KMT2C: variants seen among roughly 807,000 people sequenced by gnomAD.
The protein encoded by KMT2C is lysine methyltransferase 2C.
A neutral mutation model predicts 507.9 loss-of-function variants in KMT2C; 88 were observed. The ratio of observed to expected loss-of-function variants is 0.17; its 90% CI spans 0.15 to 0.21. The LOEUF (loss-of-function observed/expected upper bound fraction) is 0.21, where lower values mean the gene tolerates loss of function less well. Ranked by LOEUF, KMT2C falls within the 10% of genes least tolerant of loss-of-function variation. The pLI is 1.00. For missense variants in KMT2C, 4,954 were observed against 5,957.8 expected (o/e 0.83, Z 5.55); for synonymous variants, 2,049 against 2,080.8 (o/e 0.98, Z 0.42).
chr7:152,181,960 G>A lies in KMT2C; in HGVS notation c.5900C>T (p.Pro1967Leu), dbSNP rs772266743. Residue 1967 changes from proline (P) to leucine (L), a missense_variant, in exon 36 of 59, where the codon CCA becomes CTA. Physicochemically the swap from Pro to Leu is moderately conservative, Grantham distance 98. Coordinates refer to ENST00000262189, the MANE Select transcript of KMT2C (RefSeq NM_170606.3). ...TTNNDPYAKP[P>L]DTPRPVMTDQ... ...TGTCATCACAGGCCTAGGTGTGTCT[G>A]GAGGTTTTGCATAGGGGTCATTATT... The A allele has an allele frequency of 1.2e-6, 2 of 1,614,186 alleles. No homozygotes were observed. Among genetic ancestry groups the A allele is most frequent in the Non-Finnish European group, 1.7e-6 (2 of 1,180,042 alleles).
chr7:152,144,930 G>GA lies in KMT2C; in HGVS notation c.14175-50dup. 1 of 1,547,058 alleles carries GA rather than the reference G, an allele frequency of 6.5e-7. No individual in the cohort carries two copies. Among genetic ancestry groups the GA allele is most frequent in the East Asian group, 2.3e-5 (1 of 43,262 alleles). On this transcript the variant is annotated intron_variant, in intron 54 of 58. Coordinates refer to ENST00000262189, the MANE Select transcript of KMT2C (RefSeq NM_170606.3). This position sits in a 1 kb window ranked among gnomAD's most constrained non-coding sequence, Gnocchi z 4.4. ...GGAAAAAAATACAAGGAAAACTGAAGATACCTCTGAGTAATGCCCAAAACC... is the reference window on the plus strand; with the variant it reads ...GGAAAAAAATACAAGGAAAACTGAAGAATACCTCTGAGTAATGCCCAAAACC...
Position 152,163,842 on chromosome 7 carries a change from G to A in KMT2C, c.9751-16C>T, listed in dbSNP as rs1476574781. On this transcript the variant is annotated splice_polypyrimidine_tract_variant and intron_variant, in intron 42 of 58. Transcript: ENST00000262189. ...GTTTACGAATCTGGAATAACAAAATGCATCATTACTCATTTCTATACAGCA... is the reference window on the plus strand; with the variant it reads ...GTTTACGAATCTGGAATAACAAAATACATCATTACTCATTTCTATACAGCA... 1 of 1,603,720 alleles carries A rather than the reference G, an allele frequency of 6.2e-7. No individual in the cohort carries two copies. The highest frequency in any genetic ancestry group is 8.5e-7 in the Non-Finnish European group (1 of 1,170,672).
rs2129145637 is a variant in KMT2C at position 152,220,619 on chromosome 7, A to G, written c.3616T>C (p.Leu1206=). 1.2e-6 allele frequency: 2 copies of G among 1,611,910 alleles called. No individual in the cohort carries two copies. Among genetic ancestry groups the G allele is most frequent in the Non-Finnish European group, 1.7e-6 (2 of 1,179,806 alleles). The change falls in exon 23 of 59, where the codon TTG becomes CTG. Residue 1206 remains leucine (L), a synonymous_variant. Transcript: ENST00000262189. ...RRKRSKPKLK[L]KIINQNSVAV... ...ACGCTATTCTGATTTATAATCTTCA[A>G]TTTCAATTTTGGTTTTGACCGTTTT...
intron 1 of KMT2C, among the ~76,000 whole-genome samples, chr7:152,391,544 T>C (rs75550570): frequency 2.2e-5 from 1 of 45,346 alleles, no homozygotes; most frequent in Non-Finnish European, 3.8e-5. Context: ...ATGCCCGGCC[T>C]TTTTTTTTTT....
intron 23 of KMT2C, chr7:152,220,056 A>G (rs1462837384): frequency 1.3e-5 from 2 of 155,896 alleles, no homozygotes; most frequent in Admixed American, 1.3e-4. Flanking sequence ...ATTTACTTTG[A>G]TCAAGAAAAT....
intron 1 of KMT2C, among the ~76,000 whole-genome samples, chr7:152,390,404 TG>T: frequency 6.6e-6 from 1 of 152,422 alleles, no homozygotes; most frequent in South Asian, 2.1e-4. Context: ...AAGTAGAAAC[TG>T]AAGAACACTT....
At chr7:152,386,583 C>T (rs1170586866) in intron 1 of KMT2C, among the ~76,000 whole-genome samples, 17 of 152,274 alleles carry the variant, frequency 1.1e-4, no homozygotes, top group Non-Finnish European at 2.1e-4. Context: ...TACTCCCAGG[C>T]CTTGTCCCCA....
chr7:152,258,368 G>A (rs2095697742), intron 9 of KMT2C, among the ~76,000 whole-genome samples: 1 of 152,176 alleles, frequency 6.6e-6, no homozygotes, highest in South Asian at 2.1e-4. Context: ...TTTAACATGT[G>A]AAAGAAGTGT....
At chr7:152,253,719 C>A (rs2095601461) in intron 9 of KMT2C, among the ~76,000 whole-genome samples, 1 of 151,660 alleles carries the variant, frequency 6.6e-6, no homozygotes, top group Non-Finnish European at 1.5e-5. Flanking sequence ...ACGGTCAACG[C>A]CATGTGACTT....
Position 152,163,745 on chromosome 7 carries a change from G to T in KMT2C, c.9832C>A (p.Pro3278Thr). The T allele has an allele frequency of 6.2e-7, 1 of 1,614,186 alleles. No homozygotes were observed. Among genetic ancestry groups the T allele is most frequent in the Non-Finnish European group, 8.5e-7 (1 of 1,180,030 alleles). The change falls in exon 43 of 59, where the codon CCT (proline) becomes ACT (threonine). Residue 3278 changes from proline to threonine, a missense_variant. Transcript: ENST00000262189. ...GGCTGGACACTGGGCATCATGGTAG[G>T]TGGGGCCATTGCACATTGCTGCTGC... ...KQQQQCAMAP[P>T]TMMPSVQPQP... is the part of the protein sequence containing the mutation.
chr7:152,346,675 C>T (rs1379682401), intron 2 of KMT2C, among the ~76,000 whole-genome samples: 1 of 152,204 alleles, frequency 6.6e-6, no homozygotes, highest in Non-Finnish European at 1.5e-5. Flanking sequence ...AGTCAAAAAT[C>T]TGTGTAACTT....
In KMT2C at chr7:152,198,327, A is replaced by C. The variant is rs575619040; in HGVS notation, c.4273+952T>G. Among the ~76,000 whole-genome samples, 86 of 152,314 alleles carry C rather than the reference A, an allele frequency of 5.6e-4. 1 individual carries two copies. The highest frequency in any genetic ancestry group is 5.9e-4 in the Non-Finnish European group (40 of 67,984). ...AAAGTCAAAATCAAAAATAGTTGTC[A>C]GTATTTCAATTCAGGATAATGCCAA... is the stretch of plus-strand genomic sequence containing the variant. On this transcript the variant is annotated intron_variant, in intron 27 of 58. Transcript: ENST00000262189.
In KMT2C at chr7:152,240,943, A is replaced by G. The variant is rs552457281; in HGVS notation, c.2533-2117T>C. Among the ~76,000 whole-genome samples, 6 of 152,316 alleles carry G rather than the reference A, an allele frequency of 3.9e-5. No individual in the cohort carries two copies. In the East Asian group the frequency reaches 9.7e-4, roughly 25 times the overall value. ...CCACAGCAGCCAGAGAAACTTTTCA[A>G]AAGTACAAATGTGATCAAGCAAGTC... On this transcript the variant is annotated intron_variant, in intron 14 of 58. Coordinates refer to ENST00000262189, the MANE Select transcript of KMT2C (RefSeq NM_170606.3).
At position 152,368,148 on chromosome 7, in the gene KMT2C, G is replaced by T. The variant is rs1246413094; in HGVS notation, c.162-9473C>A. Reference sequence around the variant, plus strand: ...ATGGCAAAAGGGTCAAAGGAAGGCAGTATCCTTGGGGTGCTGCTGAAGTTG... The same window carrying T: ...ATGGCAAAAGGGTCAAAGGAAGGCATTATCCTTGGGGTGCTGCTGAAGTTG... On this transcript the variant is annotated intron_variant, in intron 1 of 58. Transcript: ENST00000262189. The T allele has an allele frequency of 5.4e-5, 50 of 922,382 alleles. 2 individuals carry two copies. In the East Asian group the frequency reaches 1.2e-3, roughly 22 times the overall value. 57.1% of individuals were successfully genotyped at this position (922,382 alleles called of 1,614,324 possible). A position where few individuals can be genotyped will look rare whatever the true frequency, so the allele number is the denominator to read the frequency against.
intron 3 of KMT2C, among the ~76,000 whole-genome samples, chr7:152,323,542 G>A (rs1250840131): frequency 6.6e-6 from 1 of 151,350 alleles, no homozygotes; most frequent in Non-Finnish European, 1.5e-5. Context: ...TGGAGGCTGT[G>A]GTGGGAGGAT....
chr7:152,170,120 A>G (rs997832196), intron 40 of KMT2C, among the ~76,000 whole-genome samples: 4 of 152,256 alleles, frequency 2.6e-5, no homozygotes, highest in African/African-American at 9.6e-5. Flanking sequence ...AACATTTGAC[A>G]TATTAAAAAA....
chr7:152,274,245 T>C (rs1329948502), intron 6 of KMT2C, among the ~76,000 whole-genome samples: 1 of 152,092 alleles, frequency 6.6e-6, no homozygotes, highest in Non-Finnish European at 1.5e-5. Flanking sequence ...AAACTAGTAA[T>C]AGGAACATAT....
intron 5 of KMT2C, among the ~76,000 whole-genome samples, chr7:152,310,833 T>C (rs1280720978): frequency 1.3e-5 from 2 of 152,000 alleles, no homozygotes; most frequent in African/African-American, 2.4e-5. Flanking sequence ...TACAGGCACA[T>C]GCCACCACAC....
chr7:152,192,242 C>T (rs906912238), intron 31 of KMT2C, among the ~76,000 whole-genome samples: 3 of 151,986 alleles, frequency 2.0e-5, no homozygotes, highest in East Asian at 1.9e-4. Flanking sequence ...AGTTCTTAAT[C>T]GTTAAAACAG....
Sources: allele counts gnomAD v4.1 joint callset (sites outside exome capture counted in the v4.1 genomes callset), GRCh38; gene constraint gnomAD v4.1.1; non-coding constraint Gnocchi (gnomAD v3.1); transcripts MANE v1.5; gene names NCBI Gene and HGNC (gene_info 2026-07-23, HGNC 2026-07-21).